KCNQ5: variants seen among roughly 807,000 people sequenced by gnomAD.
KCNQ5 encodes the protein potassium voltage-gated channel subfamily Q member 5.
KCNQ5 carries 30 observed loss-of-function variants against 98.2 expected under a neutral mutation model. The ratio of observed to expected loss-of-function variants is 0.31; its 90% CI spans 0.23 to 0.41. The LOEUF (loss-of-function observed/expected upper bound fraction) is 0.41. KCNQ5 is among the 10% of genes least tolerant of loss of function. KCNQ5 has a pLI of 1.00. For missense variants in KCNQ5, 835 were observed against 1,182.5 expected, an observed-to-expected ratio of 0.71 and a Z score of 4.31; for synonymous variants, 458 against 449.4, an observed-to-expected ratio of 1.02 and a Z score of -0.24.
intron 1 of KCNQ5, among the ~76,000 whole-genome samples, chr6:72,666,218 TAAATAAAG>T (rs926360657): frequency 6.5e-5 from 7 of 107,918 alleles, no homozygotes; most frequent in Admixed American, 8.4e-5. Flanking sequence ...TAAATAATGA[TAAATAAAG>T]AGAGATATAC....
chr6:72,946,102 A>C lies in KCNQ5; in HGVS notation c.399-57806A>C, dbSNP rs1419108735. On this transcript the variant is annotated intron_variant, in intron 1 of 13. Coordinates refer to ENST00000370398, the MANE Select transcript of KCNQ5 (RefSeq NM_019842.4). ...TTTTACTTCAGCAGAGGTCATGCAG[A>C]TATCCATAAGACCACTGCTGTTCAA... Among the ~76,000 whole-genome samples, 2 of 152,164 alleles carry C rather than the reference A, an allele frequency of 1.3e-5. 1 individual carries two copies. Among genetic ancestry groups the C allele is most frequent in the South Asian group, 4.1e-4 (2 of 4,822 alleles).
intron 1 of KCNQ5, among the ~76,000 whole-genome samples, chr6:72,645,051 T>C (rs1765515779): frequency 6.6e-6 from 1 of 151,890 alleles, no homozygotes; most frequent in South Asian, 2.1e-4. Context: ...GCCTGGACTT[T>C]GGGTACCTTT....
intron 1 of KCNQ5, among the ~76,000 whole-genome samples, chr6:72,675,416 A>G (rs546672606): frequency 2.6e-5 from 4 of 152,354 alleles, no homozygotes; most frequent in Admixed American, 2.6e-4. Context: ...AATTGAAGTA[A>G]TATTTAAATT....
At chr6:72,623,945 G>A (rs906595981) in intron 1 of KCNQ5, among the ~76,000 whole-genome samples, 8 of 152,174 alleles carry the variant, frequency 5.3e-5, no homozygotes, top group African/African-American at 1.9e-4. Context: ...GGTGAACCTG[G>A]AATTCAACCA....
At chr6:72,642,188 T>C (rs1256159925) in intron 1 of KCNQ5, among the ~76,000 whole-genome samples, 1 of 150,134 alleles carries the variant, frequency 6.7e-6, no homozygotes, top group African/African-American at 2.5e-5. Context: ...GCCTCCCAAA[T>C]TTACAAGTGA....
chr6:72,864,803 T>A (rs751725047), intron 1 of KCNQ5, among the ~76,000 whole-genome samples: 1 of 152,166 alleles, frequency 6.6e-6, no homozygotes, highest in Non-Finnish European at 1.5e-5. Context: ...TTCTTTCTCA[T>A]TTGTTTACTT....
rs533264979 is a variant in KCNQ5, at chr6:72,698,959, G to A, written c.398+76372G>A. On this transcript the variant is annotated intron_variant, in intron 1 of 13. Transcript: ENST00000370398. The stretch of plus-strand genomic sequence containing the variant: ...CAGGTGTAAGTCACCATGCCCAGCC[G>A]ACTTAAGTTTTCTTAAGGATTTATT... 2.6e-5 allele frequency among the ~76,000 whole-genome samples: 4 copies of A among 152,132 alleles called. No homozygotes were observed. In the East Asian group the frequency reaches 5.8e-4, roughly 22 times the overall value.
intron 9 of KCNQ5, among the ~76,000 whole-genome samples, chr6:73,124,968 TATATATATATATACACAC>T (rs1400359880): frequency 0.027 from 290 of 10,606 alleles, 14 homozygotes; most frequent in South Asian, 0.061. Flanking sequence ...TATATATATA[TATATATATATATACACAC>T]ACACACATAT....
chr6:72,674,777 A>T, intron 1 of KCNQ5, among the ~76,000 whole-genome samples: 1 of 152,156 alleles, frequency 6.6e-6, no homozygotes, highest in East Asian at 1.9e-4. Context: ...CTCTAAATAA[A>T]TAAATAAATA....
intron 1 of KCNQ5, among the ~76,000 whole-genome samples, chr6:72,985,781 C>T (rs144886789): frequency 1.3e-5 from 2 of 152,286 alleles, no homozygotes; most frequent in East Asian, 1.9e-4. Flanking sequence ...CAGAAAACTA[C>T]CATTTGACCC....
At chr6:72,630,904 C>T (rs2098920469) in intron 1 of KCNQ5, among the ~76,000 whole-genome samples, 1 of 152,104 alleles carries the variant, frequency 6.6e-6, no homozygotes, top group Admixed American at 6.5e-5. Context: ...ATTCTACTAG[C>T]TCTATCAGTG....
intron 1 of KCNQ5, among the ~76,000 whole-genome samples, chr6:72,853,637 T>G (rs1194062667): frequency 6.6e-6 from 1 of 152,190 alleles, no homozygotes; most frequent in Non-Finnish European, 1.5e-5. Flanking sequence ...TTTTGCACCC[T>G]TCTGTGGGGC....
At chr6:72,682,827 G>C (rs950685297) in intron 1 of KCNQ5, among the ~76,000 whole-genome samples, 4 of 152,176 alleles carry the variant, frequency 2.6e-5, no homozygotes, top group Non-Finnish European at 5.9e-5. Context: ...AGGATGAAAG[G>C]GTTGTGGAAG....
intron 5 of KCNQ5, among the ~76,000 whole-genome samples, chr6:73,078,244 T>A (rs1371016666): frequency 1.3e-5 from 2 of 151,978 alleles, no homozygotes; most frequent in Admixed American, 6.5e-5. Context: ...TTGCATTGAT[T>A]TTCCGCTCTT....
intron 1 of KCNQ5, among the ~76,000 whole-genome samples, chr6:72,982,060 G>T (rs1301807555): frequency 6.6e-6 from 1 of 152,186 alleles, no homozygotes; most frequent in Admixed American, 6.5e-5. Flanking sequence ...TTGCAGAGGA[G>T]TGCTTTACTT....
intron 1 of KCNQ5, among the ~76,000 whole-genome samples, chr6:72,784,960 A>G (rs1327263106): frequency 6.6e-6 from 1 of 152,184 alleles, no homozygotes; most frequent in Non-Finnish European, 1.5e-5. Context: ...AAAATAATAC[A>G]TCTAAGCACC....
At chr6:73,157,428 C>CG in intron 10 of KCNQ5, 2 of 646,564 alleles carry the variant, frequency 3.1e-6, no homozygotes, top group South Asian at 1.7e-5. Flanking sequence ...ACAGGCCGCC[C>CG]GGGGGCGGGG....
intron 1 of KCNQ5, among the ~76,000 whole-genome samples, chr6:72,721,644 A>T (rs1331481366): frequency 6.6e-6 from 1 of 152,204 alleles, no homozygotes; most frequent in East Asian, 1.9e-4. Context: ...GAGGCCCAGG[A>T]ACCTCTGTGT....
chr6:73,120,463 C>G lies in KCNQ5; in HGVS notation c.1126-20C>G. 1 of 1,544,794 alleles carries G rather than the reference C, an allele frequency of 6.5e-7. No individual in the cohort carries two copies. On this transcript the variant is annotated intron_variant, in intron 7 of 13. Coordinates refer to ENST00000370398, the MANE Select transcript of KCNQ5 (RefSeq NM_019842.4). ...TGCTCTCTTTTTTCTTTTTCATGTC[C>G]CCATCTATGCCACATGCAGTGTGTT...
Sources: gnomAD v4.1 joint callset for allele counts (sites outside exome capture counted in the v4.1 genomes callset) on GRCh38, gnomAD v4.1.1 for gene constraint, MANE v1.5 for transcripts, NCBI Gene and HGNC (gene_info 2026-07-23, HGNC 2026-07-21) for gene names.